The following ARID3B variants were observed in gnomAD, a reference collection of about 807,000 sequenced individuals.
ARID3B encodes AT-rich interactive domain-containing protein 3B.
In ARID3B, 10 loss-of-function variants were observed where a neutral mutation model predicts 51.9. The observed-to-expected ratio is 0.19, with a 90% CI of 0.12 to 0.33. The LOEUF is 0.33. Ranked by LOEUF, ARID3B falls within the 10% of genes least tolerant of loss-of-function variation. The pLI is 1.00. For synonymous variants in ARID3B, 205 were observed against 279.5 expected (o/e 0.73, Z 2.66); for missense variants, 483 against 716.3 (o/e 0.67, Z 3.72).
At chr15:74,550,348 G>A (rs1317226475) in intron 2 of ARID3B, among the ~76,000 whole-genome samples, 1 of 152,146 alleles carries the variant, frequency 6.6e-6, no homozygotes, top group Non-Finnish European at 1.5e-5. Flanking sequence ...CCTAGTAACA[G>A]ATTTAATTAT....
intron 2 of ARID3B, among the ~76,000 whole-genome samples, chr15:74,571,966 GGGC>G (rs1471086703): frequency 2.6e-5 from 4 of 152,198 alleles, no homozygotes; most frequent in African/African-American, 7.2e-5. Flanking sequence ...AAAATTAGCC[GGGC>G]GTGGTTGCGC....
intron 1 of ARID3B, among the ~76,000 whole-genome samples, chr15:74,541,984 G>A (rs1045293190): frequency 9.9e-5 from 15 of 152,158 alleles, no homozygotes; most frequent in South Asian, 2.1e-4. Flanking sequence ...TTTGGGGGAG[G>A]GTGTGTGTAT....
rs139746737 is a variant in ARID3B, at chr15:74,569,069, G to A, written c.553-3793G>A. ...TCTCAGTCAGCCACAGTCAGCATCCGAGAAAAAATTATTTCTGGGCTGATA... is the reference window on the plus strand; with the variant it reads ...TCTCAGTCAGCCACAGTCAGCATCCAAGAAAAAATTATTTCTGGGCTGATA... On this transcript the variant is annotated intron_variant, in intron 2 of 8. Transcript: ENST00000346246. Among the ~76,000 whole-genome samples, 658 of 152,148 alleles carry A rather than the reference G, an allele frequency of 4.3e-3. 4 individuals are homozygous for A. Among genetic ancestry groups the A allele is most frequent in the African/African-American group, 0.015 (630 of 41,520 alleles).
At chr15:74,567,636 A>G (rs539773271) in intron 2 of ARID3B, among the ~76,000 whole-genome samples, 1 of 152,246 alleles carries the variant, frequency 6.6e-6, no homozygotes, top group South Asian at 2.1e-4. Flanking sequence ...TCATCCAGAG[A>G]CAGGAAGTTG....
chr15:74,588,820 G>A (rs2061791476), intron 4 of ARID3B, among the ~76,000 whole-genome samples: 1 of 151,958 alleles, frequency 6.6e-6, no homozygotes, highest in South Asian at 2.1e-4. Flanking sequence ...TTGGGTGGAA[G>A]CTGCTCTGAC....
Position 74,566,043 on chromosome 15 carries a change from T to C in ARID3B, c.553-6819T>C, listed in dbSNP as rs76877402. 1.3e-4 allele frequency among the ~76,000 whole-genome samples: 20 copies of C among 152,242 alleles called. No individual in the cohort carries two copies. In the East Asian group the frequency reaches 3.9e-3, roughly 29 times the overall value. ...TAAGAATTCAGATTAATCCTTCTCTTTCTCTTTCATCCCCTCAATCCAGAT... is the reference window on the plus strand; with the variant it reads ...TAAGAATTCAGATTAATCCTTCTCTCTCTCTTTCATCCCCTCAATCCAGAT... On this transcript the variant is annotated intron_variant, in intron 2 of 8. Coordinates refer to ENST00000346246, the MANE Select transcript of ARID3B (RefSeq NM_006465.4).
At chr15:74,542,183 A>G (rs1232858191) in intron 1 of ARID3B, among the ~76,000 whole-genome samples, 1 of 152,254 alleles carries the variant, frequency 6.6e-6, no homozygotes, top group East Asian at 1.9e-4. Context: ...CTATGAGGAC[A>G]TTTAAAATGA....
At chr15:74,593,022 T>A in intron 7 of ARID3B, 116 bp from the exon 8 acceptor site, 1 of 789,092 alleles carries the variant, frequency 1.3e-6, no homozygotes, top group Non-Finnish European at 2.0e-6. Context: ...GAAGGTTACA[T>A]AGATGCCTTT....
At chr15:74,565,301 C>T (rs1231396612) in intron 2 of ARID3B, among the ~76,000 whole-genome samples, 3 of 152,162 alleles carry the variant, frequency 2.0e-5, no homozygotes, top group African/African-American at 7.2e-5. Flanking sequence ...GTCCTTCCAC[C>T]TCAGCCTCCT....
Position 74,591,843 on chromosome 15 carries a change from C to T in ARID3B, c.1420+29C>T. On this transcript the variant is annotated intron_variant, in intron 7 of 8. Transcript: ENST00000346246. This position sits in a 1 kb window ranked among gnomAD's most constrained non-coding sequence, Gnocchi z 5.8. ...AGCCAGGCTCAGGGCCGGGCCTTCC[C>T]TTCCTGGAAACCCCAAGCCCATTCA... 1.2e-6 allele frequency: 2 copies of T among 1,601,888 alleles called. No homozygotes were observed. The highest frequency in any genetic ancestry group is 1.3e-5 in the African/African-American group (1 of 74,878).
chr15:74,562,851 A>G (rs1333074071), intron 2 of ARID3B, among the ~76,000 whole-genome samples: 2 of 152,226 alleles, frequency 1.3e-5, no homozygotes, highest in African/African-American at 4.8e-5. Context: ...CTAATTTTAC[A>G]TATGAATCAT....
intron 2 of ARID3B, 67 bp from the exon 3 acceptor site, chr15:74,572,795 C>A: frequency 6.7e-7 from 1 of 1,485,762 alleles, no homozygotes; most frequent in Non-Finnish European, 9.4e-7. Flanking sequence ...AAATGATTGC[C>A]TTGCCCTCTG....
intron 2 of ARID3B, among the ~76,000 whole-genome samples, chr15:74,551,563 A>G (rs887912024): frequency 3.3e-5 from 5 of 152,192 alleles, no homozygotes; most frequent in African/African-American, 1.2e-4. Context: ...TGAACCCTCC[A>G]TTTCCTGACT....
intron 2 of ARID3B, 46 bp from the exon 3 acceptor site, chr15:74,572,812 CTCTT>C (rs1190791418): frequency 4.4e-6 from 7 of 1,577,796 alleles, no homozygotes; most frequent in African/African-American, 1.3e-5. Flanking sequence ...TCTGTCCTAA[CTCTT>C]TCTCTTCCTT....
intron 2 of ARID3B, among the ~76,000 whole-genome samples, chr15:74,561,766 A>C (rs1472675837): frequency 6.6e-6 from 1 of 152,230 alleles, no homozygotes; most frequent in Non-Finnish European, 1.5e-5. Context: ...ATAGTCCCTG[A>C]CTTAAGATGG....
rs1350214650 is a variant in ARID3B, at chr15:74,591,687, G to A, written c.1293G>A (p.Gly431=). 2.5e-6 allele frequency: 4 copies of A among 1,612,304 alleles called. No homozygotes were observed. Among genetic ancestry groups the A allele is most frequent in the African/African-American group, 1.3e-5 (1 of 74,896 alleles). The change falls in exon 7 of 9, where the codon GGG becomes GGA. Residue 431 remains glycine, a synonymous_variant. Coordinates refer to ENST00000346246, the MANE Select transcript of ARID3B (RefSeq NM_006465.4). This position sits in a 1 kb window ranked among gnomAD's most constrained non-coding sequence, Gnocchi z 5.8. ...AGCTGCGGGAGCGGCTGGAGTCAGG[G>A]GAGCCTGCTGAGAAGAAGGCATCGA... is the stretch of plus-strand genomic sequence containing the variant. ...LEQLRERLES[G]EPAEKKASRL...
At chr15:74,579,872 T>TGTGCGCGC (rs1488209764) in intron 4 of ARID3B, among the ~76,000 whole-genome samples, 37 of 118,932 alleles carry the variant, frequency 3.1e-4, no homozygotes, top group African/African-American at 9.7e-4. Flanking sequence ...TGTGTGTGTG[T>TGTGCGCGC]GCGCGCGCGC....
In ARID3B at chr15:74,593,142, C is replaced by T; in HGVS notation, c.1425C>T (p.Asp475=). 6.2e-7 allele frequency: 1 copy of T among 1,612,798 alleles called. No individual in the cohort carries two copies. The highest frequency in any genetic ancestry group is 8.5e-7 in the Non-Finnish European group (1 of 1,179,844). The change falls in exon 8 of 9, where the codon GAC becomes GAT. Residue 475 remains aspartate (D), a synonymous_variant. Transcript: ENST00000346246. ...CTGTCTCCCTGTCCCCAGCAGAAGA[C>T]AGAGCAGAGGCCTCGGCTGCAGCAC... ...PMKIRINGRE[D]RAEASAAALN... is the part of the protein sequence containing the mutation.
At position 74,596,724 on chromosome 15, in the gene ARID3B, T is replaced by C. The variant is rs1238110654; in HGVS notation, c.*950T>C. 1 of 233,616 alleles carries C rather than the reference T, an allele frequency of 4.3e-6. No individual in the cohort carries two copies. Among genetic ancestry groups the C allele is most frequent in the Admixed American group, 5.6e-5 (1 of 17,790 alleles). 14.5% of individuals were successfully genotyped at this position (233,616 alleles called of 1,614,324 possible). A position where few individuals can be genotyped will look rare whatever the true frequency, so the allele number is the denominator to read the frequency against. On this transcript the variant is annotated 3_prime_UTR_variant, in exon 9 of 9. Transcript: ENST00000346246. ...CATTGAAATACCTCAGATTTGTAAT[T>C]GTTGATGTTTGAGTCTTCAGGAAGT...
Sources: allele counts gnomAD v4.1 joint callset (sites outside exome capture counted in the v4.1 genomes callset), GRCh38; gene constraint gnomAD v4.1.1; non-coding constraint Gnocchi (gnomAD v3.1); transcripts MANE v1.5; gene names NCBI Gene and HGNC (gene_info 2026-07-23, HGNC 2026-07-21).